The following TCERG1L variants were observed in gnomAD, a reference collection of about 807,000 sequenced individuals.
The protein encoded by TCERG1L is transcription elongation regulator 1 like.
Under a neutral mutation model 56.3 loss-of-function variants are expected in TCERG1L, and 37 were observed. The observed-to-expected ratio is 0.66, with a 90% CI of 0.51 to 0.87. TCERG1L has a LOEUF of 0.87. TCERG1L is among the 40% of genes least tolerant of loss of function. The pLI, the probability that TCERG1L is intolerant of heterozygous loss-of-function variation, is 0.00. For missense variants in TCERG1L, 799 were observed against 774.2 expected, an observed-to-expected ratio of 1.03 and a Z score of -0.38; for synonymous variants, 324 against 326.3, an observed-to-expected ratio of 0.99 and a Z score of 0.08.
intron 3 of TCERG1L, among the ~76,000 whole-genome samples, chr10:131,272,056 T>C (rs2133554006): frequency 6.6e-6 from 1 of 152,090 alleles, no homozygotes; most frequent in South Asian, 2.1e-4. Flanking sequence ...TAAGCCTGGG[T>C]CCACAGCAGG....
chr10:131,292,516 T>G (rs1286566269), intron 3 of TCERG1L, among the ~76,000 whole-genome samples: 1 of 152,206 alleles, frequency 6.6e-6, no homozygotes, highest in Non-Finnish European at 1.5e-5. Flanking sequence ...TAGTTTCCAT[T>G]TTTTCTATTT....
chr10:131,120,427 C>T (rs1845501134), intron 8 of TCERG1L, among the ~76,000 whole-genome samples: 1 of 152,198 alleles, frequency 6.6e-6, no homozygotes, highest in African/African-American at 2.4e-5. Flanking sequence ...GGGCACAGAG[C>T]TCACCTCTAA....
At chr10:131,167,811 T>C (rs189202925) in intron 4 of TCERG1L, among the ~76,000 whole-genome samples, 1 of 152,348 alleles carries the variant, frequency 6.6e-6, no homozygotes, top group East Asian at 1.9e-4. Flanking sequence ...CCAAAGATTG[T>C]TACTTTTTTG....
At chr10:131,137,416 C>T (rs1251059351) in intron 7 of TCERG1L, among the ~76,000 whole-genome samples, 1 of 152,238 alleles carries the variant, frequency 6.6e-6, no homozygotes, top group Non-Finnish European at 1.5e-5. Context: ...ACCGGGGCCT[C>T]ACAGAGGCTC....
intron 9 of TCERG1L, 104 bp downstream of exon 9, chr10:131,116,695 T>C: frequency 7.0e-7 from 1 of 1,437,646 alleles, no homozygotes; most frequent in Non-Finnish European, 9.4e-7. Context: ...CTCAGCCTGA[T>C]CATGAACTCA....
intron 11 of TCERG1L, among the ~76,000 whole-genome samples, chr10:131,096,319 A>G (rs2133377083): frequency 6.6e-6 from 1 of 152,322 alleles, no homozygotes; most frequent in South Asian, 2.1e-4. Context: ...GACACAGCTA[A>G]GCCATGGCTA....
intron 6 of TCERG1L, chr10:131,161,955 C>A (rs12414289): frequency 0.31 from 46,938 of 152,102 alleles, 8,635 homozygotes; most frequent in Non-Finnish European, 0.42. Context: ...AACTGTAATC[C>A]TAAGTAAAGC....
At chr10:131,203,553 G>C (rs1427303894) in intron 4 of TCERG1L, among the ~76,000 whole-genome samples, 2 of 152,212 alleles carry the variant, frequency 1.3e-5, no homozygotes, top group Non-Finnish European at 1.5e-5. Flanking sequence ...CCCCCGTCAT[G>C]TCAACCGTTC....
intron 9 of TCERG1L, among the ~76,000 whole-genome samples, chr10:131,104,839 A>C (rs867726103): frequency 6.6e-6 from 1 of 152,228 alleles, no homozygotes; most frequent in East Asian, 1.9e-4. Flanking sequence ...CGTACTAAAA[A>C]TTTGCAAGAA....
At chr10:131,291,401 C>CTTTTTTGTT (rs1846622680) in intron 3 of TCERG1L, among the ~76,000 whole-genome samples, 1 of 36,566 alleles carries the variant, frequency 2.7e-5, no homozygotes, top group African/African-American at 1.0e-4. Context: ...AACAGCATTT[C>CTTTTTTGTT]TTTTTTTTTT....
At chr10:131,219,733 T>A (rs1845711122) in intron 4 of TCERG1L, among the ~76,000 whole-genome samples, 1 of 152,168 alleles carries the variant, frequency 6.6e-6, no homozygotes, top group Admixed American at 6.5e-5. Context: ...GGGCTGGATA[T>A]GGGCCCTGAG....
At chr10:131,241,003 C>G (rs576239470) in intron 4 of TCERG1L, among the ~76,000 whole-genome samples, 1 of 152,190 alleles carries the variant, frequency 6.6e-6, no homozygotes. Context: ...CGGGAAAGCA[C>G]GGCCAAGGTC....
chr10:131,116,735 C>A, intron 9 of TCERG1L, 64 bp downstream of exon 9: 1 of 1,537,732 alleles, frequency 6.5e-7, no homozygotes, highest in Non-Finnish European at 8.7e-7. Flanking sequence ...GCAGGGACGG[C>A]CACTCAGCTG....
chr10:131,260,675 A>G lies in TCERG1L; in HGVS notation c.671-231T>C, dbSNP rs953746395. 1.2e-4 allele frequency among the ~76,000 whole-genome samples: 19 copies of G among 152,048 alleles called. No individual in the cohort carries two copies. Among genetic ancestry groups the G allele is most frequent in the Non-Finnish European group, 2.2e-4 (15 of 68,030 alleles). On this transcript the variant is annotated intron_variant, in intron 3 of 11. Transcript: ENST00000368642. This position sits in a 1 kb window ranked among gnomAD's most constrained non-coding sequence, Gnocchi z 5.8. ...ACCAGTGCACACACAGAGCCGTGTG[A>G]TGCCCAGTGAGCTGCAAGGCTTACA...
chr10:131,142,775 C>T (rs1891802), intron 7 of TCERG1L, among the ~76,000 whole-genome samples: 131,074 of 152,204 alleles, frequency 0.86, 57,283 homozygotes, highest in East Asian at 1. Context: ...AAAGCAGGCA[C>T]GGGCCACAGA....
intron 4 of TCERG1L, among the ~76,000 whole-genome samples, chr10:131,245,142 G>C (rs1285117093): frequency 6.6e-6 from 1 of 152,178 alleles, no homozygotes; most frequent in East Asian, 1.9e-4. Context: ...GGGATCTTTT[G>C]AGCTCCTGAA....
chr10:131,109,128 C>T (rs1845385000), intron 9 of TCERG1L, among the ~76,000 whole-genome samples: 1 of 152,164 alleles, frequency 6.6e-6, no homozygotes, highest in South Asian at 2.1e-4. Flanking sequence ...GTCCCCGAGA[C>T]CAGGACACGC....
At chr10:131,249,366 C>T (rs556146886) in intron 4 of TCERG1L, among the ~76,000 whole-genome samples, 1 of 152,262 alleles carries the variant, frequency 6.6e-6, no homozygotes, top group East Asian at 1.9e-4. Flanking sequence ...GCAGTGGCTC[C>T]ACCCGGGTCC....
intron 11 of TCERG1L, among the ~76,000 whole-genome samples, chr10:131,096,903 G>T (rs181896460): frequency 0.011 from 1,681 of 147,408 alleles, 55 homozygotes; most frequent in Non-Finnish European, 0.01. Context: ...AAAAAAGAAA[G>T]AAAAAACTGA....
Sources: allele counts gnomAD v4.1 joint callset (sites outside exome capture counted in the v4.1 genomes callset), GRCh38; gene constraint gnomAD v4.1.1; non-coding constraint Gnocchi (gnomAD v3.1); transcripts MANE v1.5; gene names NCBI Gene and HGNC (gene_info 2026-07-23, HGNC 2026-07-21).